Variants in TPSD1 observed in about 807,000 individuals in gnomAD.
TPSD1 encodes tryptase delta 1, also known as tryptase delta.
Under a neutral mutation model 25.4 loss-of-function variants are expected in TPSD1, and 30 were observed. The observed-to-expected ratio is 1.18, with a 90% CI of 0.88 to 1.60. The LOEUF is 1.60. TPSD1 is among the 40% of genes most tolerant of loss of function. The pLI is 0.00. For synonymous variants in TPSD1, 176 were observed against 149.4 expected (o/e 1.18, Z -1.30); for missense variants, 420 against 324.2 (o/e 1.30, Z -2.27).
At chr16:1,257,375 C>G (rs893068202) in intron 3 of TPSD1, 43 of 458,028 alleles carry the variant, frequency 9.4e-5, no homozygotes, top group Non-Finnish European at 1.6e-4. Flanking sequence ...AGAGAAATCA[C>G]ACGGGGGTCT....
rs1232345277 is a variant in TPSD1, at chr16:1,256,649, C to T, written c.216C>T (p.His72=). The change falls in exon 2 of 5, where the codon CAC becomes CAT. Residue 72 remains histidine, a synonymous_variant. Coordinates refer to ENST00000211076, the MANE Select transcript of TPSD1 (RefSeq NM_012217.3). ...ACTTCTGCGGGGGCTCCCTCATCCA[C>T]CCCCAGTGGGTGCTAACCGCGGCGC... ...WMHFCGGSLI[H]PQWVLTAAHC... is the part of the protein sequence containing the mutation. 1.2e-6 allele frequency: 2 copies of T among 1,612,670 alleles called. No homozygotes were observed. The highest frequency in any genetic ancestry group is 1.7e-6 in the Non-Finnish European group (2 of 1,179,566).
At position 1,258,040 on chromosome 16, in the gene TPSD1, C is replaced by A. The variant is rs200294439; in HGVS notation, c.521-19C>A. 5.8e-6 allele frequency: 9 copies of A among 1,558,920 alleles called. No homozygotes were observed. Among genetic ancestry groups the A allele is most frequent in the Non-Finnish European group, 6.9e-6 (8 of 1,152,542 alleles). On this transcript the variant is annotated intron_variant, in intron 3 of 4. Coordinates refer to ENST00000211076, the MANE Select transcript of TPSD1 (RefSeq NM_012217.3). ...CCAGCCGGCCCCAGACCCGGCTCCA[C>A]GCCCCCCTCCGCCCCCAGTGCACCT...
chr16:1,256,169 A>G lies in TPSD1; in HGVS notation c.-112A>G. The G allele has an allele frequency of 6.6e-7, 1 of 1,517,196 alleles. No individual in the cohort carries two copies. The highest frequency in any genetic ancestry group is 9.0e-7 in the Non-Finnish European group (1 of 1,111,522). 94.0% of individuals were successfully genotyped at this position (1,517,196 alleles called of 1,614,324 possible). A position where few individuals can be genotyped will look rare whatever the true frequency, so the allele number is the denominator to read the frequency against. On this transcript the variant is annotated 5_prime_UTR_variant, in exon 1 of 5. Coordinates refer to ENST00000211076, the MANE Select transcript of TPSD1 (RefSeq NM_012217.3). ...GCCCAGCCTCAGACTCAGAGCACCAAGACCCAGGCCCGCAGGCCTGGACCC... is the reference window on the plus strand; with the variant it reads ...GCCCAGCCTCAGACTCAGAGCACCAGGACCCAGGCCCGCAGGCCTGGACCC...
At position 1,258,452 on chromosome 16, in the gene TPSD1, T is replaced by C; in HGVS notation, c.*76T>C. On this transcript the variant is annotated 3_prime_UTR_variant, in exon 5 of 5. Coordinates refer to ENST00000211076, the MANE Select transcript of TPSD1 (RefSeq NM_012217.3). ...GCCTGGCATCTACACCCGTGTCACC[T>C]ACTACTTGGACTGGATCCACCACTA... 1 of 1,613,660 alleles carries C rather than the reference T, an allele frequency of 6.2e-7. No homozygotes were observed. The highest frequency in any genetic ancestry group is 8.5e-7 in the Non-Finnish European group (1 of 1,179,848).
Position 1,256,864 on chromosome 16 carries a change from C to G in TPSD1, c.322C>G (p.Leu108Val). Residue 108 changes from leucine (L) to valine (V), a missense_variant, in exon 3 of 5, where the codon CTG becomes GTG. By Grantham distance (32) the Leu-to-Val change is conservative. Coordinates refer to ENST00000211076, the MANE Select transcript of TPSD1 (RefSeq NM_012217.3). ...REQHLYYQDQ[L>V]LPVSRIIVHP... ...GCAGCACCTCTACTACCAGGACCAG[C>G]TGCTGCCGGTCAGCAGGATCATCGT... 2 of 1,613,632 alleles carry G rather than the reference C, an allele frequency of 1.2e-6. No individual in the cohort carries two copies. Among genetic ancestry groups the G allele is most frequent in the South Asian group, 1.1e-5 (1 of 91,062 alleles).
chr16:1,258,394 C>G lies in TPSD1; in HGVS notation c.*18C>G. On this transcript the variant is annotated 3_prime_UTR_variant, in exon 5 of 5. Transcript: ENST00000211076. ...GCACCTAACTGCAGGCGGGCGTGGT[C>G]AGCTGGGAGGAGAGCTGTGCCCAGC... is the stretch of plus-strand genomic sequence containing the variant. 6.2e-7 allele frequency: 1 copy of G among 1,613,778 alleles called. No homozygotes were observed. Among genetic ancestry groups the G allele is most frequent in the Non-Finnish European group, 8.5e-7 (1 of 1,179,916 alleles).
In TPSD1 at chr16:1,257,018, G is replaced by A. The variant is rs751116073; in HGVS notation, c.476G>A (p.Gly159Glu). The A allele has an allele frequency of 1.2e-6, 2 of 1,613,166 alleles. No individual in the cohort carries two copies. The highest frequency in any genetic ancestry group is 2.2e-5 in the South Asian group (2 of 90,900). Reference protein sequence around the residue: ...LPPASETFPPGMPCWVTGWGD... With the variant: ...LPPASETFPPEMPCWVTGWGD... Reference sequence around the variant, plus strand: ...CCTGCCTCGGAGACCTTCCCCCCGGGGATGCCGTGCTGGGTCACTGGCTGG... The same window carrying A: ...CCTGCCTCGGAGACCTTCCCCCCGGAGATGCCGTGCTGGGTCACTGGCTGG... The change falls in exon 3 of 5, where the codon GGG becomes GAG. Residue 159 changes from glycine (G) to glutamate (E), a missense_variant. Transcript: ENST00000211076.
chr16:1,258,444 G>A lies in TPSD1; in HGVS notation c.*68G>A, dbSNP rs151113266. 3,762 of 1,613,656 alleles carry A rather than the reference G, an allele frequency of 2.3e-3. 81 individuals are homozygous for A. In the Admixed American group the frequency reaches 0.048, roughly 21 times the overall value. ...CCCAACCGGCCTGGCATCTACACCCGTGTCACCTACTACTTGGACTGGATC... is the reference window on the plus strand; with the variant it reads ...CCCAACCGGCCTGGCATCTACACCCATGTCACCTACTACTTGGACTGGATC... On this transcript the variant is annotated 3_prime_UTR_variant, in exon 5 of 5. Coordinates refer to ENST00000211076, the MANE Select transcript of TPSD1 (RefSeq NM_012217.3).
chr16:1,256,781 A>T lies in TPSD1; in HGVS notation c.255-16A>T. 1.9e-6 allele frequency: 3 copies of T among 1,612,138 alleles called. No individual in the cohort carries two copies. Among genetic ancestry groups the T allele is most frequent in the Non-Finnish European group, 2.5e-6 (3 of 1,179,840 alleles). On this transcript the variant is annotated splice_polypyrimidine_tract_variant and intron_variant, in intron 2 of 4. Coordinates refer to ENST00000211076, the MANE Select transcript of TPSD1 (RefSeq NM_012217.3). ...GGGGCTGCCCAGGGCCCTGAGTGGG[A>T]TCCTCCGCTGCCCAGGGACATCAAG...
At position 1,258,103 on chromosome 16, in the gene TPSD1, G is replaced by A. The variant is rs376684800; in HGVS notation, c.565G>A (p.Val189Ile). ...CCCGCTGAAGGAGGTGGAAGTCCCC[G>A]TAGTGGAAAACCACCTTTGCAACGC... ...PYPLKEVEVPVVENHLCNAEY... is the reference protein window; with the variant it reads ...PYPLKEVEVPIVENHLCNAEY... The change falls in exon 4 of 5, where the codon GTA (valine) becomes ATA (isoleucine). Residue 189 changes from valine to isoleucine, a missense_variant. Transcript: ENST00000211076. The A allele has an allele frequency of 6.9e-6, 11 of 1,603,410 alleles. No homozygotes were observed. The highest frequency in any genetic ancestry group is 2.2e-5 in the South Asian group (2 of 89,448).
chr16:1,256,135 A>G lies in TPSD1; in HGVS notation c.-146A>G. 1 of 1,275,754 alleles carries G rather than the reference A, an allele frequency of 7.8e-7. No individual in the cohort carries two copies. The highest frequency in any genetic ancestry group is 1.1e-6 in the Non-Finnish European group (1 of 908,094). The allele number at this position is 1,275,754 out of a possible 1,614,324, so 79.0% of individuals were successfully genotyped here. A position where few individuals can be genotyped will look rare whatever the true frequency, so the allele number is the denominator to read the frequency against. On this transcript the variant is annotated 5_prime_UTR_variant, in exon 1 of 5. Coordinates refer to ENST00000211076, the MANE Select transcript of TPSD1 (RefSeq NM_012217.3). The stretch of plus-strand genomic sequence containing the variant: ...AGACCCTGACATCAGCGTCACCTGG[A>G]GCAGAGTGGCCCAGCCTCAGACTCA...
chr16:1,257,768 CA>C (rs1177833645), intron 3 of TPSD1, among the ~76,000 whole-genome samples: 4 of 152,316 alleles, frequency 2.6e-5, no homozygotes, highest in African/African-American at 9.6e-5. Context: ...CAGCTGAGCC[CA>C]GGGGGAGACA....
At position 1,256,942 on chromosome 16, in the gene TPSD1, C is replaced by A; in HGVS notation, c.400C>A (p.Leu134Met). The A allele has an allele frequency of 6.2e-7, 1 of 1,613,948 alleles. No individual in the cohort carries two copies. Among genetic ancestry groups the A allele is most frequent in the Non-Finnish European group, 8.5e-7 (1 of 1,180,014 alleles). Residue 134 changes from leucine to methionine, a missense_variant, in exon 3 of 5, where the codon CTG (leucine) becomes ATG (methionine). Leu to Met is a conservative substitution (Grantham distance 15, BLOSUM62 2). Coordinates refer to ENST00000211076, the MANE Select transcript of TPSD1 (RefSeq NM_012217.3). ...QTGADIALLELEEPVNISSHI... is the reference protein window; with the variant it reads ...QTGADIALLEMEEPVNISSHI... ...CGGGGCGGACATCGCCCTGCTGGAG[C>A]TGGAGGAGCCCGTGAACATCTCCAG...
Position 1,256,717 on chromosome 16 carries a change from C to G in TPSD1, c.254+30C>G, listed in dbSNP as rs373622687. The G allele has an allele frequency of 9.7e-4, 1,564 of 1,611,180 alleles. 3 individuals carry two copies. The African/African-American group carries it at 0.017, about 17-fold the overall frequency. On this transcript the variant is annotated intron_variant, in intron 2 of 4. Transcript: ENST00000211076. ...GTCTCCTGGGGCCTGGAGGGGTGGG[C>G]AAGGGCTGGATGTGAGCCCTGGCTC... is the stretch of plus-strand genomic sequence containing the variant.
intron 3 of TPSD1, chr16:1,257,360 T>C (rs1460498870): frequency 6.1e-6 from 3 of 492,808 alleles, no homozygotes; most frequent in East Asian, 6.7e-5. Flanking sequence ...ACTTGCTATG[T>C]GGAGAGAGAA....
At position 1,258,401 on chromosome 16, in the gene TPSD1, G is replaced by A. The variant is rs201533114; in HGVS notation, c.*25G>A. 1,034 of 1,613,642 alleles carry A rather than the reference G, an allele frequency of 6.4e-4. No individual in the cohort carries two copies. The highest frequency in any genetic ancestry group is 8.2e-4 in the Non-Finnish European group (965 of 1,179,912). On this transcript the variant is annotated 3_prime_UTR_variant, in exon 5 of 5. Coordinates refer to ENST00000211076, the MANE Select transcript of TPSD1 (RefSeq NM_012217.3). Reference sequence around the variant, plus strand: ...ACTGCAGGCGGGCGTGGTCAGCTGGGAGGAGAGCTGTGCCCAGCCCAACCG... The same window carrying A: ...ACTGCAGGCGGGCGTGGTCAGCTGGAAGGAGAGCTGTGCCCAGCCCAACCG...
chr16:1,258,570 C>T lies in TPSD1; in HGVS notation c.*194C>T, dbSNP rs1438198231. The stretch of plus-strand genomic sequence containing the variant: ...GTCCAAACCACCACTGCTTCCTACC[C>T]AGGTGGTGACTGCCCCCCACACCTT... On this transcript the variant is annotated 3_prime_UTR_variant, in exon 5 of 5. Coordinates refer to ENST00000211076, the MANE Select transcript of TPSD1 (RefSeq NM_012217.3). The T allele has an allele frequency of 3.2e-6, 5 of 1,542,260 alleles. No homozygotes were observed. The East Asian group carries it at 9.0e-5, about 28-fold the overall frequency.
Position 1,256,516 on chromosome 16 carries a change from C to A in TPSD1, c.83C>A (p.Ala28Asp). The A allele has an allele frequency of 6.2e-7, 1 of 1,608,072 alleles. No individual in the cohort carries two copies. The highest frequency in any genetic ancestry group is 8.5e-7 in the Non-Finnish European group (1 of 1,178,160). ...VLASPAYVAP[A>D]PGQALQQTGI... ...GGTCCTGACCTGGCACCTGCCCCAGCCCCAGGCCAGGCCCTGCAGCAAACG... is the reference window on the plus strand; with the variant it reads ...GGTCCTGACCTGGCACCTGCCCCAGACCCAGGCCAGGCCCTGCAGCAAACG... The change falls in exon 2 of 5, where the codon GCC becomes GAC. Residue 28 changes from alanine (A) to aspartate (D), a missense_variant and splice_region_variant. By Grantham distance (126) the Ala-to-Asp change is moderately radical. Transcript: ENST00000211076.
At chr16:1,256,776 G>A (rs1472789716) in intron 2 of TPSD1, 21 bp from the exon 3 acceptor site, 8 of 1,612,206 alleles carry the variant, frequency 5.0e-6, no homozygotes, top group Non-Finnish European at 5.9e-6. Context: ...AGGGCCCTGA[G>A]TGGGATCCTC....
Sources: gnomAD v4.1 joint callset for allele counts (sites outside exome capture counted in the v4.1 genomes callset) on GRCh38, gnomAD v4.1.1 for gene constraint, MANE v1.5 for transcripts, NCBI Gene and HGNC (gene_info 2026-07-23, HGNC 2026-07-21) for gene names.